The following EFCAB13 variants were observed in gnomAD, a reference collection of about 807,000 sequenced individuals.
EFCAB13 encodes EF-hand calcium binding domain 13.
EFCAB13 carries 91 observed loss-of-function variants against 110.2 expected under a neutral mutation model. The ratio of observed to expected loss-of-function variants is 0.83; its 90% CI spans 0.70 to 0.98. The LOEUF (loss-of-function observed/expected upper bound fraction) is 0.98, where lower values mean the gene tolerates loss of function less well. Ranked by LOEUF, EFCAB13 falls within the 50% of genes least tolerant of loss-of-function variation. The pLI is 0.00. For synonymous variants in EFCAB13, 323 were observed against 369.9 expected (o/e 0.87, Z 1.45); for missense variants, 968 against 1,119.4 (o/e 0.86, Z 1.93).
At chr17:47,334,517 C>T (rs551515656) in intron 4 of EFCAB13, among the ~76,000 whole-genome samples, 5 of 152,200 alleles carry the variant, frequency 3.3e-5, no homozygotes, top group East Asian at 1.9e-4. Context: ...TATCTAAAAT[C>T]GAGTTAATGT....
chr17:47,404,931 A>C (rs1337988465), intron 20 of EFCAB13, among the ~76,000 whole-genome samples: 1 of 152,136 alleles, frequency 6.6e-6, no homozygotes, highest in East Asian at 1.9e-4. Flanking sequence ...ATGCTGTAAA[A>C]AACTTAAATG....
In EFCAB13 at chr17:47,430,008, C is replaced by T. The variant is rs1451085630; in HGVS notation, c.2638+47C>T. 9 of 1,523,634 alleles carry T rather than the reference C, an allele frequency of 5.9e-6. 1 individual carries two copies. Among genetic ancestry groups the T allele is most frequent in the Non-Finnish European group, 7.1e-6 (8 of 1,126,780 alleles). 94.4% of individuals were successfully genotyped at this position (1,523,634 alleles called of 1,614,324 possible). A position where few individuals can be genotyped will look rare whatever the true frequency, so the allele number is the denominator to read the frequency against. On this transcript the variant is annotated intron_variant, in intron 24 of 24. Transcript: ENST00000331493. ...ATCTTATAAGGACCATCCTCTACCA[C>T]AGGGGTGGAAGGTCTATGGGTAGGA...
At chr17:47,400,631 A>C (rs1445792364) in intron 17 of EFCAB13, among the ~76,000 whole-genome samples, 1,679 of 78,136 alleles carry the variant, frequency 0.021, no homozygotes, top group African/African-American at 0.026. Context: ...TTCCCTTCCC[A>C]CTCTCCCTCC....
intron 23 of EFCAB13, among the ~76,000 whole-genome samples, chr17:47,417,013 G>C (rs1904474068): frequency 6.6e-6 from 1 of 152,162 alleles, no homozygotes; most frequent in Admixed American, 6.5e-5. Context: ...ATTACTAATA[G>C]TCTACTGTTG....
At chr17:47,336,214 C>T (rs1460179010) in intron 5 of EFCAB13, among the ~76,000 whole-genome samples, 2 of 151,906 alleles carry the variant, frequency 1.3e-5, no homozygotes, top group African/African-American at 2.4e-5. Flanking sequence ...GCAACCTCCA[C>T]CTCCTGGGTT....
intron 12 of EFCAB13, among the ~76,000 whole-genome samples, chr17:47,375,304 T>A (rs542716082): frequency 2.0e-5 from 3 of 152,254 alleles, no homozygotes; most frequent in African/African-American, 7.2e-5. Context: ...TATTTTTTAT[T>A]TTTTGAGTCA....
At chr17:47,396,031 T>C in intron 17 of EFCAB13, 54 bp downstream of exon 17, 1 of 1,459,320 alleles carries the variant, frequency 6.9e-7, no homozygotes, top group East Asian at 2.3e-5. Context: ...TACTTTATTT[T>C]CTGTCAACTC....
intron 3 of EFCAB13, among the ~76,000 whole-genome samples, chr17:47,326,880 A>G (rs1049216555): frequency 6.6e-6 from 1 of 152,214 alleles, no homozygotes; most frequent in African/African-American, 2.4e-5. Context: ...GACTATAAAC[A>G]TATGTCAGAA....
chr17:47,420,978 G>C (rs535206132), intron 23 of EFCAB13, among the ~76,000 whole-genome samples: 3 of 150,446 alleles, frequency 2.0e-5, no homozygotes, highest in Admixed American at 2.0e-4. Flanking sequence ...CGCCCCGTCC[G>C]GGAGGGAGGT....
At chr17:47,344,036 AC>A in intron 6 of EFCAB13, 125 bp from the exon 7 acceptor site, 2 of 1,119,038 alleles carry the variant, frequency 1.8e-6, no homozygotes, top group South Asian at 2.1e-5. Flanking sequence ...GCAATTTTAC[AC>A]CAGAAGCATA....
intron 14 of EFCAB13, 60 bp downstream of exon 14, chr17:47,379,313 T>G (rs567005073): frequency 7.4e-7 from 1 of 1,345,610 alleles, no homozygotes; most frequent in African/African-American, 1.4e-5. Context: ...TGAGAAGAAT[T>G]AGGTTCAACA....
chr17:47,343,679 C>T (rs1019482733), intron 6 of EFCAB13, among the ~76,000 whole-genome samples: 1 of 152,128 alleles, frequency 6.6e-6, no homozygotes, highest in African/African-American at 2.4e-5. Context: ...CCACCTAGTG[C>T]TTGCCTTTTT....
In EFCAB13 at chr17:47,335,359, A is replaced by G; in HGVS notation, c.191+3A>G. The G allele has an allele frequency of 1.3e-6, 2 of 1,581,264 alleles. No individual in the cohort carries two copies. Among genetic ancestry groups the G allele is most frequent in the East Asian group, 2.2e-5 (1 of 44,618 alleles). On this transcript the variant is annotated splice_donor_region_variant and intron_variant, in intron 5 of 24. Coordinates refer to ENST00000331493, the MANE Select transcript of EFCAB13 (RefSeq NM_152347.5). ...TTGAGCCCAGAATATAAAAAAATGTAAGTTAAAAACTCTGAACTTACTTTA... is the reference window on the plus strand; with the variant it reads ...TTGAGCCCAGAATATAAAAAAATGTGAGTTAAAAACTCTGAACTTACTTTA...
chr17:47,432,606 C>A (rs1477518012), intron 24 of EFCAB13, among the ~76,000 whole-genome samples: 1 of 151,876 alleles, frequency 6.6e-6, no homozygotes, highest in Non-Finnish European at 1.5e-5. Flanking sequence ...ACAGATAAAT[C>A]ATCCAAATTA....
chr17:47,359,517 GTT>G (rs71141905), intron 9 of EFCAB13, among the ~76,000 whole-genome samples: 20 of 127,200 alleles, frequency 1.6e-4, no homozygotes, highest in South Asian at 5.2e-4. Flanking sequence ...TGGGAATTGT[GTT>G]TTTTTTTTTT....
chr17:47,325,953 TATATATATAG>T (rs1288687319), intron 2 of EFCAB13, among the ~76,000 whole-genome samples: 6 of 102,094 alleles, frequency 5.9e-5, no homozygotes, highest in East Asian at 6.6e-4. Context: ...TATATATATA[TATATATATAG>T]CATATATATA....
chr17:47,402,287 C>T, intron 18 of EFCAB13, 84 bp downstream of exon 18: 1 of 1,231,466 alleles, frequency 8.1e-7, no homozygotes, highest in Non-Finnish European at 1.2e-6. Flanking sequence ...GCTGTGTGTT[C>T]ACCTAATTTC....
rs1444936618 is a variant in EFCAB13 at position 47,379,206 on chromosome 17, A to T, written c.1535A>T (p.Asp512Val). The change falls in exon 14 of 25, where the codon GAC becomes GTC. Residue 512 changes from aspartate to valine, a missense_variant. By Grantham distance (152) the Asp-to-Val change is radical (BLOSUM62 -3). Coordinates refer to ENST00000331493, the MANE Select transcript of EFCAB13 (RefSeq NM_152347.5). ...RNENGMVELD[D>V]FVNALAKERS... is the part of the protein sequence containing the mutation. ...GAGAATGGAATGGTGGAGTTAGATG[A>T]CTTTGTAAATGCTCTCGCCAAGGAG... The T allele has an allele frequency of 1.2e-6, 2 of 1,613,320 alleles. No homozygotes were observed. The highest frequency in any genetic ancestry group is 8.5e-7 in the Non-Finnish European group (1 of 1,179,550).
At chr17:47,415,655 G>A (rs1451735112) in intron 23 of EFCAB13, among the ~76,000 whole-genome samples, 1 of 152,070 alleles carries the variant, frequency 6.6e-6, no homozygotes, top group Non-Finnish European at 1.5e-5. Flanking sequence ...TTGGATGAGG[G>A]ACCACCAGTT....
Sources: allele counts gnomAD v4.1 joint callset (sites outside exome capture counted in the v4.1 genomes callset), GRCh38; gene constraint gnomAD v4.1.1; transcripts MANE v1.5; gene names NCBI Gene and HGNC (gene_info 2026-07-23, HGNC 2026-07-21).